The following DIS3L2 variants were observed in gnomAD, a reference collection of about 807,000 sequenced individuals.
The protein encoded by DIS3L2 is DIS3-like exonuclease 2.
Under a neutral mutation model 97.5 loss-of-function variants are expected in DIS3L2, and 34 were observed. That is an observed-to-expected ratio of 0.35 (90% CI 0.27 to 0.46). The LOEUF is 0.46. Among genes scored for constraint, DIS3L2 ranks in the 20% least tolerant of loss-of-function variants. The pLI, the probability that DIS3L2 is intolerant of heterozygous loss-of-function variation, is 1.00. For missense variants in DIS3L2, 1,038 were observed against 1,146.0 expected (o/e 0.91, Z 1.36); for synonymous variants, 435 against 445.2 (o/e 0.98, Z 0.29).
At chr2:232,039,607 CTT>C (rs992530566) in intron 5 of DIS3L2, among the ~76,000 whole-genome samples, 12 of 152,248 alleles carry the variant, frequency 7.9e-5, no homozygotes, top group African/African-American at 2.4e-4. Flanking sequence ...ATAATTTACT[CTT>C]ATATAACTCT....
intron 13 of DIS3L2, among the ~76,000 whole-genome samples, chr2:232,265,062 A>G (rs1693818632): frequency 6.6e-6 from 1 of 152,208 alleles, no homozygotes; most frequent in Admixed American, 6.5e-5. Flanking sequence ...TTCCTTTAAG[A>G]AATCATTCAT....
At chr2:232,302,251 T>G (rs1442233365) in intron 14 of DIS3L2, among the ~76,000 whole-genome samples, 3 of 148,784 alleles carry the variant, frequency 2.0e-5, no homozygotes, top group Non-Finnish European at 3.0e-5. Flanking sequence ...GTGGGGGGAG[T>G]GGGGAGGGAT....
intron 5 of DIS3L2, among the ~76,000 whole-genome samples, chr2:232,071,983 A>T (rs893906811): frequency 6.6e-6 from 1 of 152,216 alleles, no homozygotes; most frequent in Non-Finnish European, 1.5e-5. Flanking sequence ...GCTTGTAAAA[A>T]GGTAAGTGAA....
rs145390329 is a variant in DIS3L2, at chr2:232,311,176, G to A, written c.1739+11057G>A. Among the ~76,000 whole-genome samples, 52 of 152,298 alleles carry A rather than the reference G, an allele frequency of 3.4e-4. No homozygotes were observed. In the East Asian group the frequency reaches 7.5e-3, roughly 22 times the overall value. ...AGGAAATGGGGGAGCCGCAAAAATC[G>A]GCAGATTGTGCTGGCCACAGACCAG... On this transcript the variant is annotated intron_variant, in intron 14 of 20. Transcript: ENST00000325385.
chr2:232,053,439 T>C (rs979808183), intron 5 of DIS3L2, among the ~76,000 whole-genome samples: 5 of 152,166 alleles, frequency 3.3e-5, no homozygotes, highest in Admixed American at 3.3e-4. Flanking sequence ...CTCCTCAGAC[T>C]CTAATTGGGT....
intron 1 of DIS3L2, among the ~76,000 whole-genome samples, chr2:232,005,659 A>C (rs1330815007): frequency 6.6e-6 from 1 of 152,018 alleles, no homozygotes; most frequent in East Asian, 1.9e-4. Flanking sequence ...CCCTTTGTTT[A>C]CCCTGCAGAA....
intron 6 of DIS3L2, among the ~76,000 whole-genome samples, chr2:232,102,905 C>T (rs757919014): frequency 2.0e-5 from 3 of 152,024 alleles, no homozygotes; most frequent in African/African-American, 4.8e-5. Context: ...TACTTTTATT[C>T]GGCCAGTCAC....
chr2:232,214,333 G>C (rs906532407), intron 10 of DIS3L2, among the ~76,000 whole-genome samples: 6 of 152,156 alleles, frequency 3.9e-5, no homozygotes, highest in African/African-American at 1.4e-4. Context: ...AATTCATTCT[G>C]CCTTAAGATT....
At chr2:232,318,724 T>G (rs1463197964) in intron 14 of DIS3L2, among the ~76,000 whole-genome samples, 1 of 151,826 alleles carries the variant, frequency 6.6e-6, no homozygotes, top group East Asian at 1.9e-4. Flanking sequence ...AGTGAGAAGG[T>G]GACAGGACAG....
intron 13 of DIS3L2, chr2:232,342,991 G>A (rs1376901297): frequency 5.2e-6 from 1 of 192,428 alleles, no homozygotes; most frequent in Non-Finnish European, 1.1e-5. Flanking sequence ...AGGAGTCAGA[G>A]TGGGGGGGCT....
intron 5 of DIS3L2, among the ~76,000 whole-genome samples, chr2:232,056,207 C>T (rs927022927): frequency 1.3e-5 from 2 of 151,938 alleles, no homozygotes; most frequent in African/African-American, 4.8e-5. Flanking sequence ...CCCGTTTCTA[C>T]TAAAAATACG....
chr2:232,224,841 A>C (rs1234359293), intron 10 of DIS3L2, among the ~76,000 whole-genome samples: 1 of 150,644 alleles, frequency 6.6e-6, no homozygotes, highest in Non-Finnish European at 1.5e-5. Context: ...CTGTCTTTAA[A>C]AAAAAAAAAA....
At chr2:232,078,722 CAGTT>C (rs1696291664) in intron 5 of DIS3L2, among the ~76,000 whole-genome samples, 1 of 152,118 alleles carries the variant, frequency 6.6e-6, no homozygotes, top group South Asian at 2.1e-4. Context: ...GTGTAGTATA[CAGTT>C]AGTGAGCAGA....
chr2:232,312,371 C>T (rs1331751122), intron 14 of DIS3L2, among the ~76,000 whole-genome samples: 1 of 152,012 alleles, frequency 6.6e-6, no homozygotes, highest in Non-Finnish European at 1.5e-5. Flanking sequence ...AAATACTTTC[C>T]CATAGCTTAG....
chr2:232,300,301 T>G (rs1343280161), intron 14 of DIS3L2, among the ~76,000 whole-genome samples, 182 bp downstream of exon 14: 2 of 152,166 alleles, frequency 1.3e-5, no homozygotes, highest in East Asian at 1.9e-4. Context: ...TGCCCCTAAG[T>G]ATAGAACTTG....
chr2:232,286,441 A>G (rs1296376597), intron 13 of DIS3L2, among the ~76,000 whole-genome samples: 1 of 152,170 alleles, frequency 6.6e-6, no homozygotes, highest in Non-Finnish European at 1.5e-5. Flanking sequence ...TTTCCCAGAT[A>G]CTGCTCAGGT....
chr2:232,084,395 T>G (rs1008430215), intron 5 of DIS3L2, among the ~76,000 whole-genome samples: 13 of 152,208 alleles, frequency 8.5e-5, no homozygotes, highest in Admixed American at 2.6e-4. Flanking sequence ...TCCTAAATCC[T>G]AAAATCTGAA....
intron 9 of DIS3L2, among the ~76,000 whole-genome samples, chr2:232,182,358 TC>T (rs1380937162): frequency 1.2e-4 from 19 of 152,236 alleles, no homozygotes; most frequent in African/African-American, 4.3e-4. Context: ...TGGAGAATGT[TC>T]CATATCCACT....
intron 16 of DIS3L2, among the ~76,000 whole-genome samples, chr2:232,333,337 CCTTT>C (rs1398002027): frequency 5.4e-5 from 8 of 149,384 alleles, no homozygotes; most frequent in Non-Finnish European, 8.9e-5. Context: ...CCCGCCGCTA[CCTTT>C]CTTTCTTCTT....
Sources: gnomAD v4.1 joint callset for allele counts (sites outside exome capture counted in the v4.1 genomes callset) on GRCh38, gnomAD v4.1.1 for gene constraint, MANE v1.5 for transcripts, NCBI Gene and HGNC (gene_info 2026-07-23, HGNC 2026-07-21) for gene names.